Variants in FAT3 observed in about 807,000 individuals in gnomAD.
FAT3 encodes protocadherin Fat 3.
In FAT3, 95 loss-of-function variants were observed where a neutral mutation model predicts 310.2. That is an observed-to-expected ratio of 0.31 (90% CI 0.26 to 0.36). The LOEUF is 0.36. Ranked by LOEUF, FAT3 falls within the 10% of genes least tolerant of loss-of-function variation. FAT3 has a pLI of 1.00. For missense variants in FAT3, 5,408 were observed against 5,715.6 expected (o/e 0.95, Z 1.74); for synonymous variants, 2,314 against 2,192.9 (o/e 1.06, Z -1.54).
At chr11:92,561,812 G>A (rs1955236140) in intron 3 of FAT3, among the ~76,000 whole-genome samples, 1 of 151,938 alleles carries the variant, frequency 6.6e-6, no homozygotes, top group Admixed American at 6.6e-5. Context: ...TTTTAGTAGA[G>A]ACAGGGTTTC....
intron 2 of FAT3, among the ~76,000 whole-genome samples, chr11:92,473,875 T>A (rs972784661): frequency 1.3e-5 from 2 of 152,186 alleles, no homozygotes; most frequent in Non-Finnish European, 1.5e-5. Flanking sequence ...TCATGGGCCT[T>A]ATGTGTGGAA....
At chr11:92,253,029 C>T (rs139682951) in intron 1 of FAT3, among the ~76,000 whole-genome samples, 1 of 152,176 alleles carries the variant, frequency 6.6e-6, no homozygotes, top group Non-Finnish European at 1.5e-5. Flanking sequence ...ACTAGTAAAG[C>T]TTGGGTACCT....
chr11:92,323,347 C>G lies in FAT3; in HGVS notation c.-17-28749C>G, dbSNP rs539845399. The stretch of plus-strand genomic sequence containing the variant: ...CACTGCAGCCTCCGCCTCCTAGGTT[C>G]AAGCAGTCCTCCCACCACAGACTCC... On this transcript the variant is annotated intron_variant, in intron 1 of 27. Transcript: ENST00000525166. Among the ~76,000 whole-genome samples the G allele has an allele frequency of 3.0e-4, 46 of 152,144 alleles. No individual in the cohort carries two copies. In the South Asian group the frequency reaches 9.5e-3, roughly 32 times the overall value.
rs374084434 is a variant in FAT3, at chr11:92,844,603, C to A, written c.11236C>A (p.Leu3746Met). Residue 3746 changes from leucine to methionine, a missense_variant, in exon 19 of 28, where the codon CTG (leucine) becomes ATG (methionine). Around this residue, in one of 5 missense-constraint regions of FAT3, gnomAD observed 4,588 missense variants for 4,809.8 expected, o/e 0.95. Coordinates refer to ENST00000525166, the MANE Select transcript of FAT3 (RefSeq NM_001367949.2). Reference sequence around the variant, plus strand: ...CATCTTGGAGAAGAACTGCTCAGGGCTGGACTGTCAGGAACAGCATTGTGA... The same window carrying A: ...CATCTTGGAGAAGAACTGCTCAGGGATGGACTGTCAGGAACAGCATTGTGA... Reference protein sequence around the residue: ...SAILEKNCSGLDCQEQHCEQG... With the variant: ...SAILEKNCSGMDCQEQHCEQG... 2 of 1,613,674 alleles carry A rather than the reference C, an allele frequency of 1.2e-6. No individual in the cohort carries two copies. The highest frequency in any genetic ancestry group is 1.3e-5 in the African/African-American group (1 of 74,934).
At chr11:92,470,129 G>A (rs924277554) in intron 2 of FAT3, among the ~76,000 whole-genome samples, 3 of 152,156 alleles carry the variant, frequency 2.0e-5, no homozygotes, top group Non-Finnish European at 4.4e-5. Flanking sequence ...AAGAATTTGA[G>A]CCCTGAGAGA....
intron 3 of FAT3, among the ~76,000 whole-genome samples, chr11:92,651,660 CATG>C (rs1170773956): frequency 6.6e-6 from 1 of 152,130 alleles, no homozygotes; most frequent in Non-Finnish European, 1.5e-5. Context: ...AAATTGTATT[CATG>C]ATGAGAGCAG....
At chr11:92,792,692 C>A in intron 8 of FAT3, 75 bp from the exon 9 acceptor site, 1 of 1,432,092 alleles carries the variant, frequency 7.0e-7, no homozygotes, top group Non-Finnish European at 9.7e-7. Flanking sequence ...ATTTTGTTTT[C>A]ACCCCAAACA....
At chr11:92,432,807 G>T (rs560799189) in intron 2 of FAT3, among the ~76,000 whole-genome samples, 2 of 152,124 alleles carry the variant, frequency 1.3e-5, no homozygotes, top group African/African-American at 4.8e-5. Context: ...AGGGAGGAAC[G>T]TTTAAGTCTG....
At chr11:92,806,615 T>A in intron 12 of FAT3, 100 bp downstream of exon 12, 34 of 1,010,100 alleles carry the variant, frequency 3.4e-5, no homozygotes, top group Middle Eastern at 3.2e-4. Context: ...GTAGTATACT[T>A]ACTCTTATAG....
At chr11:92,295,957 C>T (rs1341234503) in intron 1 of FAT3, among the ~76,000 whole-genome samples, 1 of 152,088 alleles carries the variant, frequency 6.6e-6, no homozygotes, top group Non-Finnish European at 1.5e-5. Flanking sequence ...ATGCAGCCGC[C>T]ACCAGGTTTT....
intron 3 of FAT3, among the ~76,000 whole-genome samples, chr11:92,599,410 A>T (rs1407367007): frequency 6.6e-6 from 1 of 152,174 alleles, no homozygotes; most frequent in African/African-American, 2.4e-5. Flanking sequence ...TGCCCTCATG[A>T]TTCAATGACC....
chr11:92,796,063 C>T (rs1217927471), intron 9 of FAT3, among the ~76,000 whole-genome samples: 2 of 151,972 alleles, frequency 1.3e-5, no homozygotes, highest in Admixed American at 6.6e-5. Flanking sequence ...CAGTGAACAC[C>T]GAGATCCCTG....
intron 3 of FAT3, among the ~76,000 whole-genome samples, chr11:92,552,139 C>T (rs1186619024): frequency 2.0e-5 from 3 of 152,116 alleles, no homozygotes; most frequent in Non-Finnish European, 2.9e-5. Flanking sequence ...ATTGCCCATA[C>T]CCCGTGGTTG....
chr11:92,562,301 G>C (rs188550895), intron 3 of FAT3, among the ~76,000 whole-genome samples: 36 of 152,088 alleles, frequency 2.4e-4, no homozygotes, highest in African/African-American at 6.5e-4. Context: ...ATTCCTTATG[G>C]AAGCTATCCT....
intron 3 of FAT3, among the ~76,000 whole-genome samples, chr11:92,663,919 C>A (rs928219549): frequency 6.6e-6 from 1 of 152,178 alleles, no homozygotes; most frequent in African/African-American, 2.4e-5. Flanking sequence ...TGGTTCTCTT[C>A]TACCAAAGGC....
chr11:92,787,947 A>G (rs1946938455), intron 7 of FAT3, among the ~76,000 whole-genome samples: 1 of 152,154 alleles, frequency 6.6e-6, no homozygotes, highest in South Asian at 2.1e-4. Flanking sequence ...AAGTAGCAAT[A>G]TGAACTCGTG....
chr11:92,781,045 A>G (rs1946735543), intron 7 of FAT3, among the ~76,000 whole-genome samples: 2 of 133,242 alleles, frequency 1.5e-5, no homozygotes, highest in African/African-American at 5.4e-5. Context: ...TTATTTAAGT[A>G]ATAAGGTTCT....
intron 1 of FAT3, among the ~76,000 whole-genome samples, chr11:92,262,971 T>C (rs994054033): frequency 1.3e-5 from 2 of 152,088 alleles, no homozygotes; most frequent in Non-Finnish European, 2.9e-5. Context: ...TCCCTCATAA[T>C]AATCTTTCAG....
At chr11:92,531,697 A>G (rs1565389180) in intron 3 of FAT3, among the ~76,000 whole-genome samples, 1 of 151,650 alleles carries the variant, frequency 6.6e-6, no homozygotes, top group Non-Finnish European at 1.5e-5. Flanking sequence ...GCTCAGCTGC[A>G]TTGTGTAGCT....
Sources: allele counts gnomAD v4.1 joint callset (sites outside exome capture counted in the v4.1 genomes callset), GRCh38; gene constraint gnomAD v4.1.1; regional missense constraint gnomAD v4.1.1; transcripts MANE v1.5; gene names NCBI Gene and HGNC (gene_info 2026-07-23, HGNC 2026-07-21).